Variants in FBXW7 observed in about 807,000 individuals in gnomAD.
The protein encoded by FBXW7 is F-box/WD repeat-containing protein 7.
Under a neutral mutation model 86.3 loss-of-function variants are expected in FBXW7, and 11 were observed. The ratio of observed to expected loss-of-function variants is 0.13; its 90% CI spans 0.08 to 0.21. The LOEUF is 0.21. FBXW7 is among the 10% of genes least tolerant of loss of function. The pLI, the probability that FBXW7 is intolerant of heterozygous loss-of-function variation, is 1.00. For missense variants in FBXW7, 488 were observed against 847.4 expected, an observed-to-expected ratio of 0.58 and a Z score of 5.27; for synonymous variants, 313 against 297.9, an observed-to-expected ratio of 1.05 and a Z score of -0.52.
At chr4:152,471,361 G>C (rs1453957752) in intron 2 of FBXW7, among the ~76,000 whole-genome samples, 9 of 144,826 alleles carry the variant, frequency 6.2e-5, no homozygotes, top group Non-Finnish European at 1.2e-4. Context: ...TACAGGGAGG[G>C]AAGGAAGGAG....
intron 2 of FBXW7, among the ~76,000 whole-genome samples, chr4:152,424,697 T>A (rs1434333421): frequency 2.0e-5 from 3 of 152,202 alleles, no homozygotes. Context: ...AATTCAAATT[T>A]AATTCATAAG....
intron 4 of FBXW7, among the ~76,000 whole-genome samples, chr4:152,365,010 G>A (rs1733336078): frequency 6.6e-6 from 1 of 152,110 alleles, no homozygotes; most frequent in Non-Finnish European, 1.5e-5. Flanking sequence ...AGCATAGTGG[G>A]CAAGATAATG....
chr4:152,444,917 G>A (rs964495260), intron 2 of FBXW7, among the ~76,000 whole-genome samples: 1 of 152,162 alleles, frequency 6.6e-6, no homozygotes, highest in Admixed American at 6.5e-5. Flanking sequence ...GCTCACTGCA[G>A]TCTCGACCTG....
intron 2 of FBXW7, among the ~76,000 whole-genome samples, chr4:152,480,067 A>G (rs1744744654): frequency 6.6e-6 from 1 of 151,972 alleles, no homozygotes; most frequent in South Asian, 2.1e-4. Flanking sequence ...ACCTCCTTGT[A>G]CTGCATTTCA....
At chr4:152,345,455 T>G (rs1731172125) in intron 6 of FBXW7, among the ~76,000 whole-genome samples, 1 of 152,112 alleles carries the variant, frequency 6.6e-6, no homozygotes, top group African/African-American at 2.4e-5. Flanking sequence ...TAACCCAGAT[T>G]CTTTAGTACC....
intron 2 of FBXW7, among the ~76,000 whole-genome samples, chr4:152,441,814 A>C (rs1740917942): frequency 6.6e-6 from 1 of 152,250 alleles, no homozygotes; most frequent in Non-Finnish European, 1.5e-5. Flanking sequence ...TCCAAAATTT[A>C]GGAATTAATT....
At chr4:152,518,018 TC>T (rs1410540941) in intron 2 of FBXW7, among the ~76,000 whole-genome samples, 3 of 152,226 alleles carry the variant, frequency 2.0e-5, no homozygotes, top group African/African-American at 7.2e-5. Flanking sequence ...AGACAAAGTC[TC>T]GCTGTGTCGC....
intron 4 of FBXW7, among the ~76,000 whole-genome samples, chr4:152,376,866 C>A (rs868619201): frequency 6.6e-6 from 1 of 151,518 alleles, no homozygotes; most frequent in Non-Finnish European, 1.5e-5. Flanking sequence ...AACATGCATA[C>A]GGTCTGAATA....
At position 152,322,212 on chromosome 4, in the gene FBXW7, G is replaced by C. The variant is rs1728605547; in HGVS notation, c.*669C>G. On this transcript the variant is annotated 3_prime_UTR_variant, in exon 14 of 14. Transcript: ENST00000281708. ...TCCATCTCAGGACTCACAGAACCCAGGACAACTTGCCACCTTTGAGCAACA... is the reference window on the plus strand; with the variant it reads ...TCCATCTCAGGACTCACAGAACCCACGACAACTTGCCACCTTTGAGCAACA... The C allele has an allele frequency of 4.3e-6, 1 of 232,484 alleles. No individual in the cohort carries two copies. The highest frequency in any genetic ancestry group is 1.8e-4 in the South Asian group (1 of 5,506). The allele number at this position is 232,484 out of a possible 1,614,324, so 14.4% of individuals were successfully genotyped here.
intron 2 of FBXW7, among the ~76,000 whole-genome samples, chr4:152,446,963 C>G (rs1560908657): frequency 6.6e-6 from 1 of 152,090 alleles, no homozygotes; most frequent in African/African-American, 2.4e-5. Flanking sequence ...AGTCTATAAA[C>G]TTTTTACCTG....
intron 2 of FBXW7, among the ~76,000 whole-genome samples, chr4:152,427,176 G>A (rs1739462433): frequency 6.6e-6 from 1 of 152,178 alleles, no homozygotes; most frequent in Non-Finnish European, 1.5e-5. Context: ...ATACCAAGTA[G>A]AAATTTCAAG....
intron 7 of FBXW7, 79 bp downstream of exon 7, chr4:152,337,723 T>G: frequency 7.1e-7 from 1 of 1,409,368 alleles, no homozygotes; most frequent in African/African-American, 1.4e-5. Context: ...ATAATTAGCA[T>G]GACAATGTTT....
chr4:152,455,937 G>A (rs1483690094), intron 2 of FBXW7, among the ~76,000 whole-genome samples: 1 of 152,120 alleles, frequency 6.6e-6, no homozygotes, highest in Non-Finnish European at 1.5e-5. Flanking sequence ...TGCAAAGTTT[G>A]TGGAGCCATA....
chr4:152,379,599 A>T (rs1330833675), intron 4 of FBXW7, among the ~76,000 whole-genome samples: 1 of 152,096 alleles, frequency 6.6e-6, no homozygotes, highest in Admixed American at 6.6e-5. Flanking sequence ...GCTCACTGCA[A>T]CCTCTAACTC....
intron 2 of FBXW7, among the ~76,000 whole-genome samples, chr4:152,417,853 C>T (rs926917981): frequency 3.3e-5 from 5 of 152,044 alleles, no homozygotes; most frequent in Admixed American, 2.0e-4. Flanking sequence ...GGGCTTCTCC[C>T]AGCAAGCTAC....
intron 2 of FBXW7, among the ~76,000 whole-genome samples, chr4:152,466,837 G>A (rs930912268): frequency 1.3e-5 from 2 of 152,098 alleles, no homozygotes; most frequent in Non-Finnish European, 2.9e-5. Context: ...AGCTACTCGG[G>A]AGGCTGAGGC....
At chr4:152,531,525 AT>A (rs920916957) in intron 2 of FBXW7, among the ~76,000 whole-genome samples, 1 of 151,438 alleles carries the variant, frequency 6.6e-6, no homozygotes, top group Non-Finnish European at 1.5e-5. Flanking sequence ...AAATGTCTAC[AT>A]TTTTTTAAAT....
intron 2 of FBXW7, among the ~76,000 whole-genome samples, chr4:152,445,924 A>ATT (rs1560907146): frequency 5.1e-5 from 3 of 58,354 alleles, no homozygotes; most frequent in African/African-American, 2.3e-4. Context: ...AAAAAAAAAA[A>ATT]AAAAAAAAAA....
intron 4 of FBXW7, among the ~76,000 whole-genome samples, chr4:152,355,582 C>T (rs1369501015): frequency 6.6e-6 from 1 of 152,050 alleles, no homozygotes; most frequent in Non-Finnish European, 1.5e-5. Context: ...GGAATTTCAG[C>T]TAGGCACTCA....
Sources: gnomAD v4.1 joint callset for allele counts (sites outside exome capture counted in the v4.1 genomes callset) on GRCh38, gnomAD v4.1.1 for gene constraint, MANE v1.5 for transcripts, NCBI Gene and HGNC (gene_info 2026-07-23, HGNC 2026-07-21) for gene names.